The following SHISAL1 variants were observed in gnomAD, a reference collection of about 807,000 sequenced individuals.
SHISAL1 encodes the protein protein shisa-like-1.
In SHISAL1, 9 loss-of-function variants were observed where a neutral mutation model predicts 22.6. The ratio of observed to expected loss-of-function variants is 0.40; its 90% confidence interval spans 0.24 to 0.70. The LOEUF (loss-of-function observed/expected upper bound fraction) is 0.70. Among genes scored for constraint, SHISAL1 ranks in the 30% least tolerant of loss-of-function variants. The pLI, the probability that SHISAL1 is intolerant of heterozygous loss-of-function variation, is 0.39. For missense variants in SHISAL1, 246 were observed against 270.6 expected (o/e 0.91, Z 0.64); for synonymous variants, 119 against 115.4 (o/e 1.03, Z -0.20).
rs1426003912 is a variant in SHISAL1 at position 44,247,042 on chromosome 22, A to C, written c.*2643T>G. Reference sequence around the variant, plus strand: ...GGGCAGGCAGGAGGAATGTCCTCCTAGAAGGTTGTACATCTCAAGGGATGC... The same window carrying C: ...GGGCAGGCAGGAGGAATGTCCTCCTCGAAGGTTGTACATCTCAAGGGATGC... On this transcript the variant is annotated 3_prime_UTR_variant, in exon 5 of 5. Transcript: ENST00000381176. 6.6e-6 allele frequency: 1 copy of C among 152,222 alleles called. No homozygotes were observed. The highest frequency in any genetic ancestry group is 2.4e-5 in the African/African-American group (1 of 41,424). 9.4% of individuals were successfully genotyped at this position (152,222 alleles called of 1,614,324 possible).
At chr22:44,283,411 C>T (rs1163665942) in intron 4 of SHISAL1, among the ~76,000 whole-genome samples, 4 of 152,226 alleles carry the variant, frequency 2.6e-5, no homozygotes, top group Non-Finnish European at 4.4e-5. Flanking sequence ...TAGCACAGTG[C>T]CTGGCACACA....
In SHISAL1 at chr22:44,246,197, T is replaced by C. The variant is rs1249378572; in HGVS notation, c.*3488A>G. 5 of 152,128 alleles carry C rather than the reference T, an allele frequency of 3.3e-5. No homozygotes were observed. Among genetic ancestry groups the C allele is most frequent in the African/African-American group, 1.2e-4 (5 of 41,380 alleles). The allele number at this position is 152,128 out of a possible 1,614,324, so 9.4% of individuals were successfully genotyped here. ...CCAGCTATTGGTTCTGAATAGAGAT[T>C]CTGAAACACACAACAATCACACCGT... On this transcript the variant is annotated 3_prime_UTR_variant, in exon 5 of 5. Coordinates refer to ENST00000381176, the MANE Select transcript of SHISAL1 (RefSeq NM_001099294.2).
intron 4 of SHISAL1, among the ~76,000 whole-genome samples, chr22:44,265,932 C>T (rs1366607227): frequency 6.6e-6 from 1 of 152,190 alleles, no homozygotes; most frequent in Admixed American, 6.5e-5. Context: ...TGGCACCAGT[C>T]CCATCCTTCA....
chr22:44,269,615 CCA>C (rs1484884713), intron 4 of SHISAL1, among the ~76,000 whole-genome samples: 2 of 150,170 alleles, frequency 1.3e-5, no homozygotes, highest in Admixed American at 1.3e-4. Flanking sequence ...CCACACAGAC[CCA>C]CACAATATAC....
upstream of SHISAL1, among the ~76,000 whole-genome samples, chr22:44,315,807 C>T (rs571437013): frequency 3.9e-5 from 6 of 152,258 alleles, no homozygotes; most frequent in South Asian, 2.1e-4. Flanking sequence ...ATGAAGAACA[C>T]GCAGGGCCCT....
At chr22:44,272,615 G>C (rs915593291) in intron 4 of SHISAL1, among the ~76,000 whole-genome samples, 6 of 152,228 alleles carry the variant, frequency 3.9e-5, no homozygotes, top group Non-Finnish European at 5.9e-5. Context: ...CCTTGGGGGG[G>C]ACTAAATACC....
Position 44,245,008 on chromosome 22 carries a change from G to C in SHISAL1, c.*4677C>G, listed in dbSNP as rs995210326. The C allele has an allele frequency of 1.2e-4, 19 of 152,282 alleles. No individual in the cohort carries two copies. Among genetic ancestry groups the C allele is most frequent in the African/African-American group, 3.1e-4 (13 of 41,450 alleles). 9.4% of individuals were successfully genotyped at this position (152,282 alleles called of 1,614,324 possible). A position where few individuals can be genotyped will look rare whatever the true frequency, so the allele number is the denominator to read the frequency against. On this transcript the variant is annotated 3_prime_UTR_variant, in exon 5 of 5. Coordinates refer to ENST00000381176, the MANE Select transcript of SHISAL1 (RefSeq NM_001099294.2). ...AAGTGCGCAGGCTTGTCTTCCAGAG[G>C]GCACAGGGTATGGCCCCAGCCCAGT...
At chr22:44,301,030 G>A (rs1167001225) in intron 1 of SHISAL1, 53 bp from the exon 2 acceptor site, 2 of 1,300,154 alleles carry the variant, frequency 1.5e-6, no homozygotes, top group Non-Finnish European at 2.2e-6. Context: ...GCCTGACACT[G>A]GCTTTCCTGC....
At chr22:44,250,666 G>T (rs1433298465) in intron 4 of SHISAL1, among the ~76,000 whole-genome samples, 1 of 152,198 alleles carries the variant, frequency 6.6e-6, no homozygotes, top group East Asian at 1.9e-4. Flanking sequence ...AAGGGGACAT[G>T]AATCCAGGGG....
At chr22:44,329,462 C>CGT in the SHISAL1 span, among the ~76,000 whole-genome samples, 2 of 149,552 alleles carry the variant, frequency 1.3e-5, no homozygotes, top group East Asian at 1.9e-4. Flanking sequence ...CACACACACA[C>CGT]ACGCGCGGCT....
chr22:44,309,259 GGCGGT>G (rs563685849), intron 1 of SHISAL1, among the ~76,000 whole-genome samples: 69 of 152,360 alleles, frequency 4.5e-4, no homozygotes, highest in African/African-American at 1.6e-3. Context: ...CCTGGGGGGA[GGCGGT>G]CACAGACAGT....
rs557160678 is a variant in SHISAL1, at chr22:44,260,806, G to A, written c.*-11121C>T. Among the ~76,000 whole-genome samples, 4 of 152,246 alleles carry A rather than the reference G, an allele frequency of 2.6e-5. No individual in the cohort carries two copies. The South Asian group carries it at 8.3e-4, about 32-fold the overall frequency. On this transcript the variant is annotated intron_variant, in intron 4 of 4. Coordinates refer to ENST00000381176, the MANE Select transcript of SHISAL1 (RefSeq NM_001099294.2). ...AAGAGGTTGTCCATTCTGGGGTGGG[G>A]GCAGCGTCACTCCTGACTTTGGCCG...
chr22:44,314,059 T>A (rs1280965532), upstream of SHISAL1, among the ~76,000 whole-genome samples: 4 of 151,806 alleles, frequency 2.6e-5, no homozygotes, highest in Non-Finnish European at 5.9e-5. Context: ...TCTTCATGAT[T>A]AGGAGGGGCT....
chr22:44,262,163 G>C (rs1290289367), intron 4 of SHISAL1, among the ~76,000 whole-genome samples: 2 of 152,198 alleles, frequency 1.3e-5, no homozygotes, highest in Non-Finnish European at 2.9e-5. Context: ...AAAGTTCTTG[G>C]GAGCAGCCAC....
chr22:44,267,779 G>C lies in SHISAL1; in HGVS notation c.599+17649C>G, dbSNP rs182464480. ...AGTGCCTCTGCACGTGCTATTTCCA[G>C]TGCCCGGACCACTCCCCACTTCCTC... On this transcript the variant is annotated intron_variant, in intron 4 of 4. Transcript: ENST00000381176. Among the ~76,000 whole-genome samples, 12 of 152,296 alleles carry C rather than the reference G, an allele frequency of 7.9e-5. 1 individual carries two copies. Among genetic ancestry groups the C allele is most frequent in the Admixed American group, 5.2e-4 (8 of 15,306 alleles).
chr22:44,307,374 G>T (rs575325321), intron 1 of SHISAL1, among the ~76,000 whole-genome samples: 1 of 152,178 alleles, frequency 6.6e-6, no homozygotes, highest in Admixed American at 6.5e-5. Flanking sequence ...ACTCAGAGAG[G>T]TGAAGTGACT....
intron 4 of SHISAL1, among the ~76,000 whole-genome samples, chr22:44,256,123 C>A (rs957072091): frequency 6.7e-6 from 1 of 148,886 alleles, no homozygotes; most frequent in African/African-American, 2.6e-5. Flanking sequence ...ACACCATTGG[C>A]TCTCCTGGGT....
intron 4 of SHISAL1, among the ~76,000 whole-genome samples, chr22:44,282,938 G>A (rs112276918): frequency 0.026 from 3,923 of 152,294 alleles, 259 homozygotes; most frequent in Admixed American, 0.16. Flanking sequence ...GGACCTAGTC[G>A]GGTTACAGTC....
chr22:44,265,491 C>G (rs1409927870), intron 4 of SHISAL1, among the ~76,000 whole-genome samples: 2 of 152,136 alleles, frequency 1.3e-5, no homozygotes, highest in African/African-American at 2.4e-5. Context: ...CTTGAGATAA[C>G]CAGTCTCAGC....
Sources: allele counts gnomAD v4.1 joint callset (sites outside exome capture counted in the v4.1 genomes callset), GRCh38; gene constraint gnomAD v4.1.1; transcripts MANE v1.5; gene names NCBI Gene and HGNC (gene_info 2026-07-23, HGNC 2026-07-21).